Variants in ELK3 observed in about 807,000 individuals in gnomAD.
ELK3 encodes the protein ETS domain-containing protein Elk-3.
Under a neutral mutation model 28.9 loss-of-function variants are expected in ELK3, and 10 were observed. The ratio of observed to expected loss-of-function variants is 0.35; its 90% CI spans 0.21 to 0.59. ELK3 has a LOEUF of 0.59. ELK3 is among the 20% of genes least tolerant of loss of function. The pLI, the probability that ELK3 is intolerant of heterozygous loss-of-function variation, is 0.82. For missense variants in ELK3, 463 were observed against 517.3 expected, an observed-to-expected ratio of 0.90 and a Z score of 1.02; for synonymous variants, 272 against 243.5, an observed-to-expected ratio of 1.12 and a Z score of -1.09.
At chr12:96,258,714 C>T (rs756071954) in intron 3 of ELK3, among the ~76,000 whole-genome samples, 1 of 152,168 alleles carries the variant, frequency 6.6e-6, no homozygotes, top group Non-Finnish European at 1.5e-5. Flanking sequence ...GTTTCTTCTG[C>T]CCTCCTGCTG....
chr12:96,200,809 T>A (rs964531467), intron 1 of ELK3, among the ~76,000 whole-genome samples: 1 of 152,196 alleles, frequency 6.6e-6, no homozygotes, highest in Non-Finnish European at 1.5e-5. Flanking sequence ...ATCATAGGCA[T>A]ATGCCACCAT....
chr12:96,267,271 G>A lies in ELK3; in HGVS notation c.*91G>A. The A allele has an allele frequency of 1.8e-6, 2 of 1,087,596 alleles. No individual in the cohort carries two copies. Among genetic ancestry groups the A allele is most frequent in the Non-Finnish European group, 2.6e-6 (2 of 764,188 alleles). 67.4% of individuals were successfully genotyped at this position (1,087,596 alleles called of 1,614,324 possible). A position where few individuals can be genotyped will look rare whatever the true frequency, so the allele number is the denominator to read the frequency against. ...ACCTGTGTCGTGAGAAGGACATTGT[G>A]AAACTCTTGTTAATTTGGTTTGCAC... On this transcript the variant is annotated 3_prime_UTR_variant, in exon 5 of 5. Transcript: ENST00000228741.
At chr12:96,209,317 A>G (rs1292487340) in intron 1 of ELK3, among the ~76,000 whole-genome samples, 1 of 151,778 alleles carries the variant, frequency 6.6e-6, no homozygotes, top group East Asian at 1.9e-4. Flanking sequence ...CCTTGGATCT[A>G]CCCTTCCCAG....
chr12:96,255,376 G>GGGGT, intron 3 of ELK3: 1 of 152,482 alleles, frequency 6.6e-6, no homozygotes, highest in East Asian at 1.9e-4. Context: ...CAACACGCAA[G>GGGGT]GGGTGGTGAA....
chr12:96,242,752 C>T (rs1951830613), intron 2 of ELK3, among the ~76,000 whole-genome samples: 2 of 152,186 alleles, frequency 1.3e-5, no homozygotes, highest in South Asian at 4.1e-4. Context: ...ACTGCTCTGA[C>T]CCACTTACTG....
rs527268306 is a variant in ELK3 at position 96,253,720 on chromosome 12, A to AC, written c.1002+5987dup. Among the ~76,000 whole-genome samples, 296 of 152,336 alleles carry AC rather than the reference A, an allele frequency of 1.9e-3. 5 individuals are homozygous for AC. In the South Asian group the frequency reaches 0.028, roughly 14 times the overall value. ...CCTTTACTTTCTTAGAGACTGAGTG[A>AC]CTTACCGGTATCTCAGATCACCAAA... On this transcript the variant is annotated intron_variant, in intron 3 of 4. Coordinates refer to ENST00000228741, the MANE Select transcript of ELK3 (RefSeq NM_005230.4).
At chr12:96,258,200 T>C (rs769051719) in intron 3 of ELK3, among the ~76,000 whole-genome samples, 3 of 152,248 alleles carry the variant, frequency 2.0e-5, no homozygotes, top group Non-Finnish European at 2.9e-5. Context: ...CCGTGAAGTT[T>C]TAACTGTTAG....
chr12:96,218,342 C>CCTCA (rs1951635483), intron 1 of ELK3, among the ~76,000 whole-genome samples: 1 of 152,158 alleles, frequency 6.6e-6, no homozygotes, highest in Admixed American at 6.5e-5. Flanking sequence ...GACTGATGGG[C>CCTCA]CTCAGTATGA....
intron 4 of ELK3, among the ~76,000 whole-genome samples, chr12:96,262,251 T>C (rs1392622789): frequency 3.3e-5 from 5 of 152,148 alleles, no homozygotes; most frequent in Non-Finnish European, 7.4e-5. Context: ...ACTCCTGACC[T>C]CAAGTGACCT....
chr12:96,242,169 A>T (rs1480662972), intron 2 of ELK3, among the ~76,000 whole-genome samples: 1 of 152,120 alleles, frequency 6.6e-6, no homozygotes, highest in Non-Finnish European at 1.5e-5. Context: ...CTCATCACTT[A>T]CCATAATAAG....
At chr12:96,220,358 C>T (rs1951653171) in intron 1 of ELK3, among the ~76,000 whole-genome samples, 1 of 151,150 alleles carries the variant, frequency 6.6e-6, no homozygotes, top group South Asian at 2.1e-4. Flanking sequence ...GATCCCTCCA[C>T]ACCTAGTAGC....
At chr12:96,236,449 A>G (rs1310487312) in intron 2 of ELK3, among the ~76,000 whole-genome samples, 1 of 152,192 alleles carries the variant, frequency 6.6e-6, no homozygotes, top group Non-Finnish European at 1.5e-5. Flanking sequence ...CGGTGCCAGA[A>G]AGCAAAGAAA....
At chr12:96,195,679 C>A (rs983396746) in intron 1 of ELK3, among the ~76,000 whole-genome samples, 1 of 152,032 alleles carries the variant, frequency 6.6e-6, no homozygotes, top group Non-Finnish European at 1.5e-5. Context: ...AAACGAGTGT[C>A]GGGAGAGTTT....
chr12:96,198,898 GA>G (rs567853058), intron 1 of ELK3, among the ~76,000 whole-genome samples: 276 of 152,234 alleles, frequency 1.8e-3, no homozygotes, highest in Non-Finnish European at 3.1e-3. Context: ...TTAGTACCGA[GA>G]CCGAAATTAT....
intron 1 of ELK3, among the ~76,000 whole-genome samples, chr12:96,211,361 A>G (rs927952949): frequency 3.3e-5 from 5 of 152,172 alleles, no homozygotes; most frequent in Admixed American, 3.3e-4. Context: ...AGAGTTTTAT[A>G]AATCCTGGTG....
At chr12:96,197,093 G>A (rs1951475727) in intron 1 of ELK3, among the ~76,000 whole-genome samples, 1 of 152,100 alleles carries the variant, frequency 6.6e-6, no homozygotes, top group South Asian at 2.1e-4. Flanking sequence ...TTTTGCATGA[G>A]TGTTCCTTAA....
At chr12:96,254,063 C>T (rs369566651) in intron 3 of ELK3, among the ~76,000 whole-genome samples, 4 of 152,228 alleles carry the variant, frequency 2.6e-5, no homozygotes, top group South Asian at 2.1e-4. Flanking sequence ...CAGTGGCTCA[C>T]GCCTGTAATC....
intron 3 of ELK3, among the ~76,000 whole-genome samples, chr12:96,248,671 G>T (rs1367620643): frequency 6.6e-6 from 1 of 152,120 alleles, no homozygotes; most frequent in East Asian, 1.9e-4. Flanking sequence ...ATTGTTAACC[G>T]TGGAGCTGCA....
At position 96,230,663 on chromosome 12, in the gene ELK3, C is replaced by T. The variant is rs919158434; in HGVS notation, c.207+6890C>T. On this transcript the variant is annotated intron_variant, in intron 2 of 4. Coordinates refer to ENST00000228741, the MANE Select transcript of ELK3 (RefSeq NM_005230.4). Reference sequence around the variant, plus strand: ...TGGGAATTGAGCAGCTCCCTGGTCTCGAAGTGCACATGATTTTAATAGATG... The same window carrying T: ...TGGGAATTGAGCAGCTCCCTGGTCTTGAAGTGCACATGATTTTAATAGATG... Among the ~76,000 whole-genome samples, 4 of 152,232 alleles carry T rather than the reference C, an allele frequency of 2.6e-5. No individual in the cohort carries two copies. The East Asian group carries it at 7.7e-4, about 29-fold the overall frequency.
Sources: gnomAD v4.1 joint callset for allele counts (sites outside exome capture counted in the v4.1 genomes callset) on GRCh38, gnomAD v4.1.1 for gene constraint, MANE v1.5 for transcripts, NCBI Gene and HGNC (gene_info 2026-07-23, HGNC 2026-07-21) for gene names.